The following ZFHX3 variants were observed in gnomAD, a reference collection of about 807,000 sequenced individuals.
ZFHX3 encodes the protein zinc finger homeobox 3, also known as zinc finger homeobox protein 3.
ZFHX3 carries 42 observed loss-of-function variants against 279.1 expected under a neutral mutation model. The observed-to-expected ratio is 0.15, with a 90% CI of 0.12 to 0.19. ZFHX3 has a LOEUF of 0.19. Ranked by LOEUF, ZFHX3 falls within the 10% of genes least tolerant of loss-of-function variation. The probability of loss-of-function intolerance (pLI) is 1.00; values close to 1 mark genes in which losing one functional copy is unlikely to be tolerated. For missense variants in ZFHX3, 4,981 were observed against 4,754.0 expected (o/e 1.05, Z -1.40); for synonymous variants, 2,293 against 1,957.8 (o/e 1.17, Z -4.52).
chr16:73,296,751 T>C (rs1054485158), intron 4 of ZFHX3, among the ~76,000 whole-genome samples: 40 of 152,260 alleles, frequency 2.6e-4, no homozygotes, highest in African/African-American at 8.7e-4. Context: ...AATAATGATA[T>C]TGACAATGAC....
intron 3 of ZFHX3, among the ~76,000 whole-genome samples, chr16:73,334,822 T>C (rs1258219080): frequency 1.4e-5 from 2 of 139,326 alleles, no homozygotes; most frequent in African/African-American, 5.3e-5. Flanking sequence ...TTTTTTTTTT[T>C]TTTTTTTTTT....
intron 4 of ZFHX3, among the ~76,000 whole-genome samples, chr16:72,834,585 G>T (rs561828324): frequency 6.6e-6 from 1 of 152,108 alleles, no homozygotes; most frequent in Admixed American, 6.5e-5. Context: ...TTCCCCCATC[G>T]GTGGTGAAAT....
intron 3 of ZFHX3, among the ~76,000 whole-genome samples, chr16:72,924,571 C>T (rs542697589): frequency 2.2e-4 from 33 of 152,212 alleles, no homozygotes; most frequent in Admixed American, 1.5e-3. Context: ...ATTCTCAGGC[C>T]GAATGAGGGT....
At chr16:72,974,353 G>GT (rs1962250017) in intron 1 of ZFHX3, among the ~76,000 whole-genome samples, 1 of 152,200 alleles carries the variant, frequency 6.6e-6, no homozygotes. Flanking sequence ...GGGAAAACCT[G>GT]TAAGGGTGAG....
chr16:73,876,201 T>C (rs1291498080), intron 1 of ZFHX3, among the ~76,000 whole-genome samples: 1 of 152,184 alleles, frequency 6.6e-6, no homozygotes, highest in Non-Finnish European at 1.5e-5. Flanking sequence ...GCTTATCAAA[T>C]CAGGTTTATG....
chr16:73,717,701 C>T (rs889610713), intron 1 of ZFHX3, among the ~76,000 whole-genome samples: 7 of 152,190 alleles, frequency 4.6e-5, no homozygotes, highest in African/African-American at 1.2e-4. Flanking sequence ...AGTTCCTAAA[C>T]GCAGCCTTGT....
intron 4 of ZFHX3, among the ~76,000 whole-genome samples, chr16:73,283,298 G>T (rs1033852413): frequency 6.6e-6 from 1 of 152,184 alleles, no homozygotes; most frequent in Non-Finnish European, 1.5e-5. Flanking sequence ...TGACAATGAG[G>T]TATAAAGTCC....
intron 4 of ZFHX3, among the ~76,000 whole-genome samples, chr16:73,284,672 T>C (rs1597261824): frequency 6.6e-6 from 1 of 152,338 alleles, no homozygotes; most frequent in East Asian, 1.9e-4. Context: ...CTTTTGTTTT[T>C]TGCAATGGTC....
intron 1 of ZFHX3, among the ~76,000 whole-genome samples, chr16:73,875,794 T>C (rs1163435228): frequency 6.6e-6 from 1 of 152,216 alleles, no homozygotes; most frequent in Non-Finnish European, 1.5e-5. Context: ...TGTATGCAGT[T>C]ACGCATGTAT....
At chr16:73,803,119 A>G (rs1205024295) in intron 1 of ZFHX3, among the ~76,000 whole-genome samples, 5 of 152,246 alleles carry the variant, frequency 3.3e-5, no homozygotes, top group African/African-American at 1.2e-4. Context: ...TATTTCTAAT[A>G]TGCGAAGCTC....
At chr16:73,442,118 A>G (rs2018104938) in intron 3 of ZFHX3, among the ~76,000 whole-genome samples, 1 of 152,078 alleles carries the variant, frequency 6.6e-6, no homozygotes, top group Admixed American at 6.5e-5. Flanking sequence ...TTTACAGATG[A>G]CCAGAATGAA....
chr16:73,212,123 C>T (rs1261531819), intron 5 of ZFHX3, among the ~76,000 whole-genome samples: 1 of 150,436 alleles, frequency 6.6e-6, no homozygotes, highest in Non-Finnish European at 1.5e-5. Context: ...TATCCATATT[C>T]ATTATTTTAA....
intron 1 of ZFHX3, among the ~76,000 whole-genome samples, chr16:72,991,389 G>T (rs1963082822): frequency 6.6e-6 from 1 of 152,142 alleles, no homozygotes; most frequent in Non-Finnish European, 1.5e-5. Flanking sequence ...GATAAAGAGG[G>T]ACTGCTGTCG....
At chr16:73,555,693 G>A (rs562864779) in intron 2 of ZFHX3, among the ~76,000 whole-genome samples, 1 of 151,952 alleles carries the variant, frequency 6.6e-6, no homozygotes, top group African/African-American at 2.4e-5. Flanking sequence ...TTAGCCGGGC[G>A]TGGTGGCGGG....
chr16:73,429,955 T>A (rs907559664), intron 3 of ZFHX3, among the ~76,000 whole-genome samples: 19 of 152,292 alleles, frequency 1.2e-4, no homozygotes, highest in African/African-American at 4.6e-4. Flanking sequence ...TAGTGTGATC[T>A]CTGCTCACTG....
intron 3 of ZFHX3, chr16:73,400,206 A>G (rs1302993152): frequency 6.6e-6 from 1 of 152,222 alleles, no homozygotes; most frequent in Non-Finnish European, 1.5e-5. Context: ...CAGAGAAGAT[A>G]TAAGTTCCTG....
At chr16:73,076,560 T>A (rs1965888286) in intron 8 of ZFHX3, among the ~76,000 whole-genome samples, 2 of 152,234 alleles carry the variant, frequency 1.3e-5, no homozygotes, top group African/African-American at 4.8e-5. Flanking sequence ...AGGGGATATG[T>A]AAATCCAGGG....
At chr16:73,078,794 G>A (rs545711907) in intron 8 of ZFHX3, among the ~76,000 whole-genome samples, 7 of 152,004 alleles carry the variant, frequency 4.6e-5, no homozygotes, top group African/African-American at 1.4e-4. Context: ...ACAGGCGTCC[G>A]CCACCATGCC....
At chr16:73,594,437 C>T (rs903493877) in intron 2 of ZFHX3, among the ~76,000 whole-genome samples, 3 of 152,028 alleles carry the variant, frequency 2.0e-5, no homozygotes, top group Admixed American at 1.3e-4. Context: ...CAATGAAAAT[C>T]GCAAGCAATA....
Sources: allele counts gnomAD v4.1 joint callset (sites outside exome capture counted in the v4.1 genomes callset), GRCh38; gene constraint gnomAD v4.1.1; transcripts MANE v1.5; gene names NCBI Gene and HGNC (gene_info 2026-07-23, HGNC 2026-07-21).